SPEF2: variants seen among roughly 807,000 people sequenced by gnomAD.
The protein encoded by SPEF2 is sperm flagella and cilia-associated protein 2.
Under a neutral mutation model 224.6 loss-of-function variants are expected in SPEF2, and 187 were observed. The observed-to-expected ratio is 0.83, with a 90% CI of 0.74 to 0.94. The LOEUF is 0.94. Ranked by LOEUF, SPEF2 falls within the 40% of genes least tolerant of loss-of-function variation. The pLI is 0.00. For synonymous variants in SPEF2, 715 were observed against 707.3 expected (o/e 1.01, Z -0.17); for missense variants, 2,170 against 2,135.6 (o/e 1.02, Z -0.32).
chr5:35,782,891 A>G (rs1754541301), intron 30 of SPEF2, among the ~76,000 whole-genome samples: 1 of 152,222 alleles, frequency 6.6e-6, no homozygotes, highest in Admixed American at 6.5e-5. Context: ...TTAGACATAA[A>G]ATATTATTTA....
At chr5:35,635,018 A>G in intron 2 of SPEF2, among the ~76,000 whole-genome samples, 1 of 152,072 alleles carries the variant, frequency 6.6e-6, no homozygotes, top group Non-Finnish European at 1.5e-5. Flanking sequence ...ACAGTTTTGA[A>G]GAATACTAGC....
At chr5:35,639,713 T>C (rs1037036752) in intron 2 of SPEF2, among the ~76,000 whole-genome samples, 2 of 151,894 alleles carry the variant, frequency 1.3e-5, no homozygotes, top group Non-Finnish European at 2.9e-5. Context: ...GGAGGGCAGC[T>C]ACTACTTACC....
intron 9 of SPEF2, 59 bp from the exon 10 acceptor site, chr5:35,670,000 G>T (rs997285385): frequency 9.0e-6 from 12 of 1,336,582 alleles, no homozygotes; most frequent in Middle Eastern, 1.9e-4. Flanking sequence ...AAATACCAAT[G>T]TTTAAAATCT....
intron 34 of SPEF2, 64 bp from the exon 35 acceptor site, chr5:35,806,643 A>T: frequency 6.4e-7 from 1 of 1,554,472 alleles, no homozygotes; most frequent in Non-Finnish European, 8.6e-7. Flanking sequence ...GGTATATTCT[A>T]AAAGTCTCCA....
Position 35,655,379 on chromosome 5 carries a change from TGATAG to T in SPEF2, c.978+655_978+659del, listed in dbSNP as rs1748831815. Among the ~76,000 whole-genome samples, 4 of 152,320 alleles carry T rather than the reference TGATAG, an allele frequency of 2.6e-5. No homozygotes were observed. In the South Asian group the frequency reaches 8.3e-4, roughly 32 times the overall value. On this transcript the variant is annotated intron_variant, in intron 7 of 36. Coordinates refer to ENST00000356031, the MANE Select transcript of SPEF2 (RefSeq NM_024867.4). ...TGAACTTCTATGCTTTGAGTACTTG[TGATAG>T]GCCCAGAGATATGACAGAGAGCAAG...
At chr5:35,690,732 T>G (rs1754327500) in intron 10 of SPEF2, among the ~76,000 whole-genome samples, 1 of 152,154 alleles carries the variant, frequency 6.6e-6, no homozygotes, top group Non-Finnish European at 1.5e-5. Flanking sequence ...TTTATCTGCT[T>G]ACTGGTGATA....
intron 20 of SPEF2, 134 bp from the exon 21 acceptor site, chr5:35,727,541 A>G (rs867375263): frequency 1.7e-5 from 11 of 648,878 alleles, no homozygotes; most frequent in Middle Eastern, 8.4e-4. Flanking sequence ...GATTTTTTGT[A>G]AGACTCCTCA....
chr5:35,788,211 G>C (rs1161205072), intron 30 of SPEF2: 5 of 702,840 alleles, frequency 7.1e-6, no homozygotes, highest in Non-Finnish European at 1.3e-5. Context: ...CTAATGATGA[G>C]GACCATGAGC....
chr5:35,778,207 T>C (rs1424458273), intron 29 of SPEF2, among the ~76,000 whole-genome samples: 1 of 152,198 alleles, frequency 6.6e-6, no homozygotes, highest in African/African-American at 2.4e-5. Context: ...CATTGTAATA[T>C]ATAAACAAGA....
rs1755532518 is a variant in SPEF2 at position 35,697,707 on chromosome 5, G to C, written c.2055G>C (p.Gln685His). 6.2e-7 allele frequency: 1 copy of C among 1,613,166 alleles called. No homozygotes were observed. The highest frequency in any genetic ancestry group is 1.1e-5 in the South Asian group (1 of 91,004). ...TTTCCCAGCTCACTACACGTGCTCAGCTTGGTGCAAAATCAGAACAGTTGC... is the reference window on the plus strand; with the variant it reads ...TTTCCCAGCTCACTACACGTGCTCACCTTGGTGCAAAATCAGAACAGTTGC... ...DSFLKLTTRA[Q>H]LGAKSEQLLK... Residue 685 changes from glutamine to histidine, a missense_variant, in exon 15 of 37, where the codon CAG (glutamine) becomes CAC (histidine). By Grantham distance (24) the Gln-to-His change is conservative. Transcript: ENST00000356031.
chr5:35,703,713 C>G (rs1288588135), intron 16 of SPEF2, among the ~76,000 whole-genome samples: 4 of 152,164 alleles, frequency 2.6e-5, no homozygotes, highest in African/African-American at 9.7e-5. Flanking sequence ...AGCACTCCCA[C>G]AGTTTTCTTC....
chr5:35,728,181 C>A (rs925288800), intron 21 of SPEF2, among the ~76,000 whole-genome samples: 1 of 152,186 alleles, frequency 6.6e-6, no homozygotes, highest in African/African-American at 2.4e-5. Flanking sequence ...ATATCCCCAT[C>A]ACAATGCTTT....
At chr5:35,621,029 A>G (rs1743433141) in intron 1 of SPEF2, among the ~76,000 whole-genome samples, 1 of 152,172 alleles carries the variant, frequency 6.6e-6, no homozygotes, top group African/African-American at 2.4e-5. Flanking sequence ...TATCTCTGTT[A>G]TCTGGCTTGT....
At chr5:35,795,467 A>G (rs916029452) in intron 32 of SPEF2, among the ~76,000 whole-genome samples, 5 of 152,214 alleles carry the variant, frequency 3.3e-5, no homozygotes, top group African/African-American at 1.2e-4. Context: ...CATATACTAC[A>G]GCACTAATAC....
intron 21 of SPEF2, among the ~76,000 whole-genome samples, chr5:35,731,199 T>A (rs2149666716): frequency 6.6e-6 from 1 of 152,226 alleles, no homozygotes; most frequent in African/African-American, 2.4e-5. Context: ...GAAGTCAAAT[T>A]AATCAATGGT....
intron 23 of SPEF2, among the ~76,000 whole-genome samples, chr5:35,751,080 C>CGTATATAT (rs1749529999): frequency 1.1e-4 from 5 of 43,752 alleles, no homozygotes; most frequent in African/African-American, 1.6e-4. Flanking sequence ...TATATATATA[C>CGTATATAT]ACACACACAC....
intron 21 of SPEF2, among the ~76,000 whole-genome samples, chr5:35,731,562 A>G (rs1053686591): frequency 3.9e-5 from 6 of 152,178 alleles, no homozygotes; most frequent in Admixed American, 2.6e-4. Flanking sequence ...TTCATAACTC[A>G]TTATGGAAGG....
chr5:35,697,953 C>T, intron 15 of SPEF2, 160 bp downstream of exon 15: 1 of 517,296 alleles, frequency 1.9e-6, no homozygotes. Flanking sequence ...TATTTTGTGA[C>T]TTACGTGCCT....
intron 10 of SPEF2, among the ~76,000 whole-genome samples, chr5:35,678,055 T>C (rs1355835255): frequency 6.6e-6 from 1 of 152,258 alleles, no homozygotes; most frequent in African/African-American, 2.4e-5. Context: ...ACGCTGAGTA[T>C]TGACCGTGGC....
Sources: allele counts gnomAD v4.1 joint callset (sites outside exome capture counted in the v4.1 genomes callset), GRCh38; gene constraint gnomAD v4.1.1; transcripts MANE v1.5; gene names NCBI Gene and HGNC (gene_info 2026-07-23, HGNC 2026-07-21).